C4orf54: variants seen among roughly 807,000 people sequenced by gnomAD.
The protein encoded by C4orf54 is uncharacterized protein C4orf54.
A neutral mutation model predicts 80.1 loss-of-function variants in C4orf54; 67 were observed. The ratio of observed to expected loss-of-function variants is 0.84; its 90% CI spans 0.69 to 1.03. The LOEUF is 1.03. C4orf54 is among the 50% of genes least tolerant of loss of function. C4orf54 has a pLI of 0.00. For synonymous variants in C4orf54, 1,000 were observed against 917.0 expected (o/e 1.09, Z -1.64); for missense variants, 2,434 against 2,253.5 (o/e 1.08, Z -1.62).
At position 99,650,602 on chromosome 4, in the gene C4orf54, A is replaced by C. The variant is rs1037083051; in HGVS notation, c.4047T>G (p.Ala1349=). ...CCGCTGCCCTGGCAGACACACTCTCAGCGCTGGGGTTGGAGTTTCTCCGCT... is the reference window on the plus strand; with the variant it reads ...CCGCTGCCCTGGCAGACACACTCTCCGCGCTGGGGTTGGAGTTTCTCCGCT... ...RLQRRNSNPS[A]ESVSARAAAF... The change falls in exon 2 of 3, where the codon GCT becomes GCG. Residue 1349 remains alanine, a synonymous_variant. Transcript: ENST00000511828. The C allele has an allele frequency of 1.6e-5, 24 of 1,535,904 alleles. No homozygotes were observed. In the Admixed American group the frequency reaches 4.5e-4, roughly 29 times the overall value.
rs1481438821 is a variant in C4orf54 at position 99,650,061 on chromosome 4, G to C, written c.4588C>G (p.Pro1530Ala). Reference sequence around the variant, plus strand: ...TTGTCAGGTTTGGTACGCCAAGCTGGTCGGCTGGTTCCACTAACCTGAGAG... The same window carrying C: ...TTGTCAGGTTTGGTACGCCAAGCTGCTCGGCTGGTTCCACTAACCTGAGAG... ...KGSQVSGTSR[P>A]AWRTKPDNPR... Residue 1530 changes from proline (P) to alanine (A), a missense_variant, in exon 2 of 3, where the codon CCA (proline) becomes GCA (alanine). Pro to Ala is a conservative substitution (Grantham distance 27). Transcript: ENST00000511828. The C allele has an allele frequency of 1.3e-6, 2 of 1,535,976 alleles. No individual in the cohort carries two copies. Among genetic ancestry groups the C allele is most frequent in the South Asian group, 1.2e-5 (1 of 84,060 alleles).
chr4:99,646,364 A>G (rs1726701439), intron 2 of C4orf54, among the ~76,000 whole-genome samples: 1 of 152,240 alleles, frequency 6.6e-6, no homozygotes, highest in African/African-American at 2.4e-5. Context: ...TGCTTGTTGA[A>G]TTAGTGCATT....
At chr4:99,646,429 G>C (rs76528938) in intron 2 of C4orf54, among the ~76,000 whole-genome samples, 82 of 152,326 alleles carry the variant, frequency 5.4e-4, no homozygotes, top group African/African-American at 1.9e-3. Flanking sequence ...AACACAGATG[G>C]TTAATGGCCA....
At chr4:99,647,501 A>G (rs868466375) in intron 2 of C4orf54, among the ~76,000 whole-genome samples, 1 of 152,142 alleles carries the variant, frequency 6.6e-6, no homozygotes, top group African/African-American at 2.4e-5. Context: ...ACAAAAGATG[A>G]CTTATTTGTC....
Position 99,657,653 on chromosome 4 carries a change from T to C in C4orf54, c.-190A>G, listed in dbSNP as rs1727001701. Among the ~76,000 whole-genome samples, 1 of 152,192 alleles carries C rather than the reference T, an allele frequency of 6.6e-6. No individual in the cohort carries two copies. Among genetic ancestry groups the C allele is most frequent in the Admixed American group, 6.5e-5 (1 of 15,286 alleles). On this transcript the variant is annotated 5_prime_UTR_variant, in exon 1 of 3. Coordinates refer to ENST00000511828, the MANE Select transcript of C4orf54 (RefSeq NM_001354435.2). The stretch of plus-strand genomic sequence containing the variant: ...TTAAAAACCATGTGAGCTGAAAATT[T>C]TGAATAGAACAGACTCTATTAAAAG...
intron 2 of C4orf54, among the ~76,000 whole-genome samples, chr4:99,646,302 C>T (rs1291354415): frequency 3.3e-5 from 5 of 152,152 alleles, no homozygotes; most frequent in Non-Finnish European, 5.9e-5. Context: ...TGTGGGTTTA[C>T]GGCCCCAACA....
rs771419156 is a variant in C4orf54, at chr4:99,649,866, C to T, written c.4783G>A (p.Val1595Ile). The T allele has an allele frequency of 4.6e-5, 70 of 1,531,848 alleles. 1 individual carries two copies. Among genetic ancestry groups the T allele is most frequent in the South Asian group, 3.8e-4 (32 of 83,960 alleles). The allele number at this position is 1,531,848 out of a possible 1,614,324, so 94.9% of individuals were successfully genotyped here. A position where few individuals can be genotyped will look rare whatever the true frequency, so the allele number is the denominator to read the frequency against. The change falls in exon 2 of 3, where the codon GTC becomes ATC. Residue 1595 changes from valine (V) to isoleucine (I), a missense_variant. Val to Ile is a conservative substitution (Grantham distance 29). Transcript: ENST00000511828. ...PAPAPAASAP[V>I]PTDPFQQAQP... ...GCCTGCTGGAAGGGGTCTGTGGGGA[C>T]GGGAGCTGAGGCTGCAGGTGCTGGG...
In C4orf54 at chr4:99,651,960, CTG is replaced by C. The variant is rs1203879492; in HGVS notation, c.2687_2688del (p.Pro896ArgfsTer27). On this transcript the variant is annotated frameshift_variant, in exon 2 of 3. Transcript: ENST00000511828. LOFTEE classifies it high-confidence loss of function. The stretch of plus-strand genomic sequence containing the variant: ...TCGCGAGGAGTACTGGCTTTGAAGA[CTG>C]GAGATTTGGAGCCCGCCACGGACCC... Reference protein sequence around the residue: ...GEGSVAGSKSPVFKASTPRER... With the variant: ...GEGSVAGSKSXVFKASTPRER... The C allele has an allele frequency of 6.5e-7, 1 of 1,536,022 alleles. No individual in the cohort carries two copies. The highest frequency in any genetic ancestry group is 1.4e-5 in the African/African-American group (1 of 73,050).
chr4:99,657,087 G>A (rs1186020744), intron 1 of C4orf54, among the ~76,000 whole-genome samples: 3 of 152,236 alleles, frequency 2.0e-5, no homozygotes, highest in African/African-American at 7.2e-5. Flanking sequence ...CTTCAGGCAA[G>A]CTGAGTATTT....
chr4:99,642,402 AAAAG>A (rs1315919033), intron 2 of C4orf54, among the ~76,000 whole-genome samples: 2 of 152,222 alleles, frequency 1.3e-5, no homozygotes, highest in African/African-American at 4.8e-5. Flanking sequence ...AAACAGAGAG[AAAAG>A]AAAGAAACAA....
rs1419976327 is a variant in C4orf54, at chr4:99,650,183, C to G, written c.4466G>C (p.Gly1489Ala). 6 of 1,535,828 alleles carry G rather than the reference C, an allele frequency of 3.9e-6. No individual in the cohort carries two copies. The South Asian group carries it at 7.1e-5, about 18-fold the overall frequency. Reference sequence around the variant, plus strand: ...GTTGGGGGGCCCCTCCCTGGAAGCCCCAGGCCTGCTAAGAAGCTCCCCTGC... The same window carrying G: ...GTTGGGGGGCCCCTCCCTGGAAGCCGCAGGCCTGCTAAGAAGCTCCCCTGC... ...SAAGELLSRP[G>A]ASREGPPNSS... The change falls in exon 2 of 3, where the codon GGG becomes GCG. Residue 1489 changes from glycine (G) to alanine (A), a missense_variant. Transcript: ENST00000511828.
In C4orf54 at chr4:99,650,847, A is replaced by G; in HGVS notation, c.3802T>C (p.Tyr1268His). The G allele has an allele frequency of 6.5e-7, 1 of 1,536,168 alleles. No homozygotes were observed. Among genetic ancestry groups the G allele is most frequent in the Non-Finnish European group, 8.7e-7 (1 of 1,146,932 alleles). Residue 1268 changes from tyrosine (Y) to histidine (H), a missense_variant, in exon 2 of 3, where the codon TAC becomes CAC. By Grantham distance (83) the Tyr-to-His change is moderately conservative. Transcript: ENST00000511828. The stretch of plus-strand genomic sequence containing the variant: ...TTCCACTCGTTCCTGTTGAAGCTGT[A>G]CAGCTCTTCCATGGACCTCACGGCT... ...TAAVRSMEELYSFNRNEWKRK... is the reference protein window; with the variant it reads ...TAAVRSMEELHSFNRNEWKRK...
At position 99,640,265 on chromosome 4, in the gene C4orf54, A is replaced by T; in HGVS notation, c.*968T>A. On this transcript the variant is annotated 3_prime_UTR_variant, in exon 3 of 3. Coordinates refer to ENST00000511828, the MANE Select transcript of C4orf54 (RefSeq NM_001354435.2). Reference sequence around the variant, plus strand: ...GTAACTCTAGGTTACTGTTATTGGGATAGCGAGGCTAGGGCTGGAGTGAAT... The same window carrying T: ...GTAACTCTAGGTTACTGTTATTGGGTTAGCGAGGCTAGGGCTGGAGTGAAT... The T allele has an allele frequency of 6.6e-6, 1 of 152,150 alleles. No individual in the cohort carries two copies. The highest frequency in any genetic ancestry group is 1.9e-4 in the East Asian group (1 of 5,188). The allele number at this position is 152,150 out of a possible 1,614,324, so 9.4% of individuals were successfully genotyped here.
At position 99,643,786 on chromosome 4, in the gene C4orf54, ACACACAC is replaced by A. The variant is rs1191363458; in HGVS notation, c.*37-2597_*37-2591del. ...CACACACACACACACACACACACAC[ACACACAC>A]CCCCTCCGCGGCAGTAAAACGGCCA... On this transcript the variant is annotated intron_variant, in intron 2 of 2. Coordinates refer to ENST00000511828, the MANE Select transcript of C4orf54 (RefSeq NM_001354435.2). Among the ~76,000 whole-genome samples the A allele has an allele frequency of 5.5e-3, 594 of 108,074 alleles. 9 individuals are homozygous for A. Among genetic ancestry groups the A allele is most frequent in the African/African-American group, 0.018 (436 of 24,224 alleles). 70.9% of individuals were successfully genotyped at this position (108,074 alleles called of 152,430 possible).
chr4:99,655,212 A>C (rs1726959922), intron 1 of C4orf54, among the ~76,000 whole-genome samples: 2 of 152,214 alleles, frequency 1.3e-5, no homozygotes, highest in African/African-American at 4.8e-5. Flanking sequence ...TCTCTCCTAG[A>C]ATCCTTACTG....
rs536327665 is a variant in C4orf54, at chr4:99,639,558, T to C, written c.*1675A>G. The C allele has an allele frequency of 1.3e-5, 2 of 152,154 alleles. No homozygotes were observed. The highest frequency in any genetic ancestry group is 6.6e-5 in the Admixed American group (1 of 15,266). The allele number at this position is 152,154 out of a possible 1,614,324, so 9.4% of individuals were successfully genotyped here. ...TTCATATTTCATGTCTCATAAAGTCTATAGCTTCATTTCATAGCTCATCAG... is the reference window on the plus strand; with the variant it reads ...TTCATATTTCATGTCTCATAAAGTCCATAGCTTCATTTCATAGCTCATCAG... On this transcript the variant is annotated 3_prime_UTR_variant, in exon 3 of 3. Transcript: ENST00000511828.
rs1409706446 is a variant in C4orf54, at chr4:99,652,369, G to C, written c.2280C>G (p.Ser760Arg). The change falls in exon 2 of 3, where the codon AGC (serine) becomes AGG (arginine). Residue 760 changes from serine (S) to arginine (R), a missense_variant. Physicochemically the swap from Ser to Arg is moderately radical, Grantham distance 110. Coordinates refer to ENST00000511828, the MANE Select transcript of C4orf54 (RefSeq NM_001354435.2). ...CGGGCCCAGGGGCCGAGCTGGCTTT[G>C]CTCTCACTGCGTACATTCAGGGGCT... ...LLEPLNVRSE[S>R]KASSAPGPGR... 15 of 1,535,958 alleles carry C rather than the reference G, an allele frequency of 9.8e-6. No individual in the cohort carries two copies. The highest frequency in any genetic ancestry group is 1.3e-5 in the Non-Finnish European group (15 of 1,146,886).
At position 99,636,560 on chromosome 4, in the gene C4orf54, A is replaced by T. The variant is rs1310518036; in HGVS notation, c.*4673T>A. 1 of 152,212 alleles carries T rather than the reference A, an allele frequency of 6.6e-6. No individual in the cohort carries two copies. Among genetic ancestry groups the T allele is most frequent in the Non-Finnish European group, 1.5e-5 (1 of 68,046 alleles). The allele number at this position is 152,212 out of a possible 1,614,324, so 9.4% of individuals were successfully genotyped here. On this transcript the variant is annotated 3_prime_UTR_variant, in exon 3 of 3. Coordinates refer to ENST00000511828, the MANE Select transcript of C4orf54 (RefSeq NM_001354435.2). ...TTGAAGTAATTTTTACTGGGAAAAA[A>T]AAACAATAAAACATTTTTTTTCCAA... is the stretch of plus-strand genomic sequence containing the variant.
chr4:99,650,304 C>A lies in C4orf54; in HGVS notation c.4345G>T (p.Asp1449Tyr), dbSNP rs1242476650. The A allele has an allele frequency of 2.0e-6, 3 of 1,535,946 alleles. No individual in the cohort carries two copies. Among genetic ancestry groups the A allele is most frequent in the Admixed American group, 2.0e-5 (1 of 50,984 alleles). The change falls in exon 2 of 3, where the codon GAT becomes TAT. Residue 1449 changes from aspartate to tyrosine, a missense_variant. By Grantham distance (160) the Asp-to-Tyr change is radical (BLOSUM62 -3). Transcript: ENST00000511828. ...KISPATRAPPDEVTNRKSGSN... is the reference protein window; with the variant it reads ...KISPATRAPPYEVTNRKSGSN... ...CCACTTTTCCTGTTGGTCACCTCAT[C>A]AGGAGGTGCCCGGGTGGCTGGAGAG...
Sources: gnomAD v4.1 joint callset for allele counts (sites outside exome capture counted in the v4.1 genomes callset) on GRCh38, gnomAD v4.1.1 for gene constraint, MANE v1.5 for transcripts, NCBI Gene and HGNC (gene_info 2026-07-23, HGNC 2026-07-21) for gene names.